Variants in SERPINB11 observed in about 807,000 individuals in gnomAD.
SERPINB11 encodes the protein serpin B11.
A neutral mutation model predicts 36.7 loss-of-function variants in SERPINB11; 32 were observed. That is an observed-to-expected ratio of 0.87 (90% CI 0.66 to 1.17). The LOEUF is 1.17. Ranked by LOEUF, SERPINB11 falls within the 50% of genes most tolerant of loss-of-function variation. The pLI is 0.00. For synonymous variants in SERPINB11, 174 were observed against 168.1 expected (o/e 1.04, Z -0.27); for missense variants, 528 against 458.4 (o/e 1.15, Z -1.39).
chr18:63,716,069 C>G lies in SERPINB11; in HGVS notation c.392C>G (p.Ala131Gly), dbSNP rs921250206. The G allele has an allele frequency of 1.2e-6, 2 of 1,611,136 alleles. No individual in the cohort carries two copies. Among genetic ancestry groups the G allele is most frequent in the Non-Finnish European group, 8.5e-7 (1 of 1,178,162 alleles). The stretch of plus-strand genomic sequence containing the variant: ...AGCTGTTCTGAGAAATGGTATCAAG[C>G]CAGGTTGCAAACTGTGGATTTTGAA... ...YLSCSEKWYQ[A>G]RLQTVDFEQS... The change falls in exon 5 of 8, where the codon GCC becomes GGC. Residue 131 changes from alanine (A) to glycine (G), a missense_variant. Transcript: ENST00000544088.
At chr18:63,721,064 T>C in intron 7 of SERPINB11, 78 bp downstream of exon 7, 1 of 1,271,716 alleles carries the variant, frequency 7.9e-7, no homozygotes, top group Non-Finnish European at 1.1e-6. Context: ...ACACTGTGTA[T>C]CTCATGACAT....
chr18:63,710,949 G>A (rs1051036206), intron 2 of SERPINB11, among the ~76,000 whole-genome samples: 12 of 152,118 alleles, frequency 7.9e-5, no homozygotes, highest in Admixed American at 2.0e-4. Context: ...ATTATTGTTC[G>A]TGCTGGGAAA....
chr18:63,710,425 G>C lies in SERPINB11; in HGVS notation c.168+64G>C, dbSNP rs573937047. ...TCTTTCATGCTCCCGCTCTGGGTCA[G>C]CAAAATTAATTCTATCTTTATACCA... On this transcript the variant is annotated intron_variant, in intron 2 of 7. Coordinates refer to ENST00000544088, the MANE Select transcript of SERPINB11 (RefSeq NM_001370475.1). 4.3e-5 allele frequency: 59 copies of C among 1,356,656 alleles called. 2 individuals carry two copies. In the East Asian group the frequency reaches 1.4e-3, roughly 33 times the overall value. 84.0% of individuals were successfully genotyped at this position (1,356,656 alleles called of 1,614,324 possible).
intron 1 of SERPINB11, among the ~76,000 whole-genome samples, chr18:63,707,546 T>C (rs945509319): frequency 3.3e-5 from 5 of 152,364 alleles, no homozygotes; most frequent in East Asian, 1.9e-4. Context: ...TTCCTTCTGA[T>C]AGGAGTGCTC....
At chr18:63,717,890 C>T (rs185259238) in intron 5 of SERPINB11, among the ~76,000 whole-genome samples, 38 of 151,940 alleles carry the variant, frequency 2.5e-4, no homozygotes, top group East Asian at 9.6e-4. Context: ...ATTTTTTGGA[C>T]GATTTTAAAG....
rs149224617 is a variant in SERPINB11 at position 63,708,391 on chromosome 18, T to C, written c.-15-1788T>C. Reference sequence around the variant, plus strand: ...TATTTCAGTAATTCAGGAGCACCGTTCATGCTGTTAAAACTGGGGAGCATG... The same window carrying C: ...TATTTCAGTAATTCAGGAGCACCGTCCATGCTGTTAAAACTGGGGAGCATG... On this transcript the variant is annotated intron_variant, in intron 1 of 7. Coordinates refer to ENST00000544088, the MANE Select transcript of SERPINB11 (RefSeq NM_001370475.1). Among the ~76,000 whole-genome samples, 688 of 152,310 alleles carry C rather than the reference T, an allele frequency of 4.5e-3. 6 individuals are homozygous for C. Among genetic ancestry groups the C allele is most frequent in the African/African-American group, 0.016 (651 of 41,576 alleles).
At chr18:63,707,831 G>A (rs1522719) in intron 1 of SERPINB11, among the ~76,000 whole-genome samples, 56,518 of 151,994 alleles carry the variant, frequency 0.37, 11,365 homozygotes, top group East Asian at 0.61. Flanking sequence ...CAAAGACCTT[G>A]GTGTAATGTA....
At chr18:63,710,410 T>A (rs1395269) in intron 2 of SERPINB11, 49 bp downstream of exon 2, 16 of 1,498,728 alleles carry the variant, frequency 1.1e-5, no homozygotes, top group East Asian at 4.8e-5. Context: ...TCTTTCATGC[T>A]CCCGCTCTGG....
rs1252586758 is a variant in SERPINB11, at chr18:63,723,634, G to A, written c.*235G>A. On this transcript the variant is annotated 3_prime_UTR_variant, in exon 8 of 8. Transcript: ENST00000544088. ...AAGCCTTTCTGGCTTTCTTATCTGT[G>A]GTGTCTCATTTGAGTGCTGTCCAGT... 1.4e-5 allele frequency: 6 copies of A among 438,458 alleles called. No homozygotes were observed. The highest frequency in any genetic ancestry group is 2.0e-5 in the Non-Finnish European group (5 of 249,512). 27.2% of individuals were successfully genotyped at this position (438,458 alleles called of 1,614,324 possible).
chr18:63,720,245 A>T, intron 6 of SERPINB11, 90 bp downstream of exon 6: 1 of 1,153,610 alleles, frequency 8.7e-7, no homozygotes, highest in Non-Finnish European at 1.2e-6. Context: ...GATTTAGTGA[A>T]AATATTGGTC....
chr18:63,708,876 C>T (rs1914441902), intron 1 of SERPINB11, among the ~76,000 whole-genome samples: 1 of 152,058 alleles, frequency 6.6e-6, no homozygotes, highest in Non-Finnish European at 1.5e-5. Flanking sequence ...GAATTGAGAA[C>T]GATTCTGCAG....
intron 6 of SERPINB11, 190 bp from the exon 7 acceptor site, chr18:63,720,641 A>G (rs1237273431): frequency 3.7e-6 from 2 of 539,366 alleles, no homozygotes; most frequent in African/African-American, 1.9e-5. Flanking sequence ...GTCTCTAACC[A>G]TGACTTATTT....
At chr18:63,706,789 A>G (rs1246298783) in intron 1 of SERPINB11, among the ~76,000 whole-genome samples, 1 of 152,236 alleles carries the variant, frequency 6.6e-6, no homozygotes, top group Non-Finnish European at 1.5e-5. Context: ...GGGCAGATCC[A>G]GGATTGGGTA....
At chr18:63,711,312 G>T (rs1375874266) in intron 2 of SERPINB11, 23 bp from the exon 3 acceptor site, 1 of 1,573,782 alleles carries the variant, frequency 6.4e-7, no homozygotes, top group Admixed American at 1.7e-5. Flanking sequence ...GATGCCAAAA[G>T]ATCCCTTTTT....
chr18:63,721,270 C>T (rs900110124), intron 7 of SERPINB11, among the ~76,000 whole-genome samples: 5 of 152,146 alleles, frequency 3.3e-5, no homozygotes, highest in Admixed American at 3.3e-4. Context: ...GGTTGATAGT[C>T]GGGGGACATC....
At chr18:63,712,335 T>C (rs975111232) in intron 3 of SERPINB11, among the ~76,000 whole-genome samples, 2 of 152,216 alleles carry the variant, frequency 1.3e-5, no homozygotes, top group Non-Finnish European at 2.9e-5. Flanking sequence ...CAAGTACACA[T>C]GTATTATGCA....
At chr18:63,721,121 G>A (rs1206839997) in intron 7 of SERPINB11, 135 bp downstream of exon 7, 13 of 877,786 alleles carry the variant, frequency 1.5e-5, no homozygotes, top group East Asian at 2.7e-5. Flanking sequence ...GGATTGTCCC[G>A]GGGGTGTGAA....
At chr18:63,710,421 G>A (rs183341371) in intron 2 of SERPINB11, 60 bp downstream of exon 2, 1 of 1,403,864 alleles carries the variant, frequency 7.1e-7, no homozygotes, top group East Asian at 2.4e-5. Context: ...CCCGCTCTGG[G>A]TCAGCAAAAT....
chr18:63,720,732 A>G, intron 6 of SERPINB11, 99 bp from the exon 7 acceptor site: 1 of 812,780 alleles, frequency 1.2e-6, no homozygotes, highest in Non-Finnish European at 1.9e-6. Context: ...CCATGCCTTT[A>G]GAGTGTTCAT....
Sources: allele counts gnomAD v4.1 joint callset (sites outside exome capture counted in the v4.1 genomes callset), GRCh38; gene constraint gnomAD v4.1.1; transcripts MANE v1.5; gene names NCBI Gene and HGNC (gene_info 2026-07-23, HGNC 2026-07-21).